Variants in PRKN observed in about 807,000 individuals in gnomAD.
PRKN encodes the protein parkin RBR E3 ubiquitin protein ligase.
In PRKN, 56 loss-of-function variants were observed where a neutral mutation model predicts 59.5. The observed-to-expected ratio is 0.94, with a 90% CI of 0.76 to 1.18. The LOEUF (loss-of-function observed/expected upper bound fraction) is 1.18. Among genes scored for constraint, PRKN ranks in the 50% most tolerant of loss-of-function variants. The probability of loss-of-function intolerance (pLI) is 0.00; values close to 1 mark genes in which losing one functional copy is unlikely to be tolerated. For synonymous variants in PRKN, 250 were observed against 222.1 expected (o/e 1.13, Z -1.12); for missense variants, 657 against 596.4 (o/e 1.10, Z -1.06).
intron 2 of PRKN, among the ~76,000 whole-genome samples, chr6:162,314,219 T>C (rs1467658035): frequency 6.6e-6 from 1 of 152,100 alleles, no homozygotes; most frequent in Non-Finnish European, 1.5e-5. Flanking sequence ...AAGGGAAGCT[T>C]AGAGAATGTC....
chr6:161,636,328 G>T (rs182666420), intron 7 of PRKN, among the ~76,000 whole-genome samples: 1 of 152,342 alleles, frequency 6.6e-6, no homozygotes, highest in East Asian at 1.9e-4. Flanking sequence ...GCTGGCAGGG[G>T]CCAGAGGGCA....
At chr6:161,450,519 A>G (rs574872425) in intron 9 of PRKN, among the ~76,000 whole-genome samples, 3 of 152,288 alleles carry the variant, frequency 2.0e-5, no homozygotes, top group African/African-American at 7.2e-5. Flanking sequence ...CAGCATATCT[A>G]TAAACCACTC....
At chr6:162,632,120 CAG>C (rs1783132683) in intron 1 of PRKN, among the ~76,000 whole-genome samples, 2 of 152,058 alleles carry the variant, frequency 1.3e-5, no homozygotes, top group Admixed American at 1.3e-4. Flanking sequence ...GAACTTAAAA[CAG>C]AGCTATCATT....
chr6:162,588,877 C>T lies in PRKN; in HGVS notation c.7+138785G>A, dbSNP rs560048167. Among the ~76,000 whole-genome samples, 14 of 152,216 alleles carry T rather than the reference C, an allele frequency of 9.2e-5. No homozygotes were observed. In the South Asian group the frequency reaches 1.7e-3, roughly 18 times the overall value. ...AGAGCTCATTTTTCATCACCATTAA[C>T]GTACAGTGCCATAAAGAAAGCTTCT... On this transcript the variant is annotated intron_variant, in intron 1 of 11. Coordinates refer to ENST00000366898, the MANE Select transcript of PRKN (RefSeq NM_004562.3).
chr6:161,717,596 G>A (rs377263549), intron 7 of PRKN, among the ~76,000 whole-genome samples: 72 of 152,240 alleles, frequency 4.7e-4, no homozygotes, highest in African/African-American at 1.5e-3. Flanking sequence ...AATGTCTTCC[G>A]GTGTTCCTAA....
intron 7 of PRKN, among the ~76,000 whole-genome samples, chr6:161,594,506 A>G (rs1781844328): frequency 6.6e-6 from 1 of 152,200 alleles, no homozygotes; most frequent in Non-Finnish European, 1.5e-5. Context: ...TCCAATATCA[A>G]GACACCCGTA....
chr6:162,076,495 C>T (rs1362415852), intron 4 of PRKN, among the ~76,000 whole-genome samples: 1 of 152,090 alleles, frequency 6.6e-6, no homozygotes, highest in Non-Finnish European at 1.5e-5. Flanking sequence ...TCTCTTCTAT[C>T]TTTCCCCCGA....
Position 162,307,718 on chromosome 6 carries a change from G to A in PRKN, c.172-44953C>T, listed in dbSNP as rs573741848. 2.1e-4 allele frequency among the ~76,000 whole-genome samples: 32 copies of A among 152,210 alleles called. No individual in the cohort carries two copies. The South Asian group carries it at 5.4e-3, about 26-fold the overall frequency. ...GACATGACCTTCACAGAAAAATCTG[G>A]AAGGCACTGCAAACATTGAATAATT... On this transcript the variant is annotated intron_variant, in intron 2 of 11. Transcript: ENST00000366898.
intron 1 of PRKN, among the ~76,000 whole-genome samples, chr6:162,585,039 T>A (rs1464259587): frequency 6.6e-6 from 1 of 150,886 alleles, no homozygotes; most frequent in Non-Finnish European, 1.5e-5. Context: ...TAGCTGAGAT[T>A]ACAGGTGCCT....
Position 161,442,036 on chromosome 6 carries a change from T to C in PRKN, c.1084-55159A>G, listed in dbSNP as rs1479076414. On this transcript the variant is annotated intron_variant, in intron 9 of 11. Transcript: ENST00000366898. This position sits in a 1 kb window ranked among gnomAD's most constrained non-coding sequence, Gnocchi z 4.6. Reference sequence around the variant, plus strand: ...TTCACTTCAGAAGTTATAGAGACGATGTAAGATGAAATACTGTTCAGTGGG... The same window carrying C: ...TTCACTTCAGAAGTTATAGAGACGACGTAAGATGAAATACTGTTCAGTGGG... 2.6e-5 allele frequency among the ~76,000 whole-genome samples: 4 copies of C among 152,236 alleles called. No individual in the cohort carries two copies. Among genetic ancestry groups the C allele is most frequent in the Non-Finnish European group, 4.4e-5 (3 of 68,042 alleles).
chr6:162,579,889 G>T (rs562936733), intron 1 of PRKN, among the ~76,000 whole-genome samples: 1 of 152,270 alleles, frequency 6.6e-6, no homozygotes, highest in Admixed American at 6.5e-5. Flanking sequence ...TGCCCTGTTT[G>T]CATGCCGACA....
At chr6:161,981,268 G>T (rs1781248525) in intron 5 of PRKN, among the ~76,000 whole-genome samples, 1 of 152,198 alleles carries the variant, frequency 6.6e-6, no homozygotes, top group South Asian at 2.1e-4. Flanking sequence ...GGCTAGAATA[G>T]TTCCTCGTTA....
At chr6:162,271,544 A>G (rs75884204) in intron 2 of PRKN, 1 of 144,156 alleles carries the variant, frequency 6.9e-6, no homozygotes, top group African/African-American at 2.7e-5. Flanking sequence ...CTCCGTCTCA[A>G]AAAAAAAAAA....
At chr6:161,508,456 G>A (rs1022446486) in intron 9 of PRKN, among the ~76,000 whole-genome samples, 2 of 152,092 alleles carry the variant, frequency 1.3e-5, no homozygotes, top group Non-Finnish European at 2.9e-5. Context: ...CCTCGGAAAC[G>A]CTTTTCCTGA....
At chr6:162,669,984 G>C (rs1238370127) in intron 1 of PRKN, among the ~76,000 whole-genome samples, 1 of 152,170 alleles carries the variant, frequency 6.6e-6, no homozygotes, top group Non-Finnish European at 1.5e-5. Flanking sequence ...AAGCACATTT[G>C]CAATTTTTAA....
chr6:161,700,079 T>C (rs1274452274), intron 7 of PRKN, among the ~76,000 whole-genome samples: 1 of 152,046 alleles, frequency 6.6e-6, no homozygotes, highest in Non-Finnish European at 1.5e-5. Flanking sequence ...ATCACTGCAC[T>C]ACTAGATGCC....
At chr6:162,555,575 C>T (rs936620225) in intron 1 of PRKN, among the ~76,000 whole-genome samples, 3 of 151,916 alleles carry the variant, frequency 2.0e-5, no homozygotes, top group Middle Eastern at 3.4e-3. Flanking sequence ...TTTTTAAATA[C>T]ACTCAAGATA....
At position 161,679,841 on chromosome 6, in the gene PRKN, G is replaced by A. The variant is rs1024407318; in HGVS notation, c.871+105931C>T. Among the ~76,000 whole-genome samples, 9 of 126,746 alleles carry A rather than the reference G, an allele frequency of 7.1e-5. No individual in the cohort carries two copies. In the East Asian group the frequency reaches 1.1e-3, roughly 16 times the overall value. 83.2% of individuals were successfully genotyped at this position (126,746 alleles called of 152,430 possible). A position where few individuals can be genotyped will look rare whatever the true frequency, so the allele number is the denominator to read the frequency against. On this transcript the variant is annotated intron_variant, in intron 7 of 11. Transcript: ENST00000366898. ...ACGATCTCAGCTCACTGCAAGCTCC[G>A]CCTCCTGGGTTAACACCATTCTCCT...
intron 7 of PRKN, among the ~76,000 whole-genome samples, chr6:161,617,818 C>T (rs1311340888): frequency 6.6e-6 from 1 of 152,326 alleles, no homozygotes; most frequent in Middle Eastern, 3.4e-3. Context: ...TCCCAGGAAG[C>T]CAGTGCCAGA....
Sources: gnomAD v4.1 joint callset for allele counts (sites outside exome capture counted in the v4.1 genomes callset) on GRCh38, gnomAD v4.1.1 for gene constraint, Gnocchi (gnomAD v3.1) non-coding constraint, MANE v1.5 for transcripts, NCBI Gene and HGNC (gene_info 2026-07-23, HGNC 2026-07-21) for gene names.